COQ8A: variants seen among roughly 807,000 people sequenced by gnomAD.
The protein encoded by COQ8A is atypical kinase COQ8A, mitochondrial.
In COQ8A, 51 loss-of-function variants were observed where a neutral mutation model predicts 65.0. The observed-to-expected ratio is 0.78, with a 90% CI of 0.63 to 0.99. The LOEUF (loss-of-function observed/expected upper bound fraction) is 0.99, where lower values mean the gene tolerates loss of function less well. COQ8A is among the 50% of genes least tolerant of loss of function. The pLI is 0.00. For missense variants in COQ8A, 940 were observed against 875.0 expected (o/e 1.07, Z -0.94); for synonymous variants, 371 against 353.2 (o/e 1.05, Z -0.57).
chr1:226,976,696 G>C (rs1364113717), intron 4 of COQ8A, among the ~76,000 whole-genome samples: 1 of 152,152 alleles, frequency 6.6e-6, no homozygotes, highest in Non-Finnish European at 1.5e-5. Context: ...TGGCTTTCTT[G>C]AGCAGCTGGG....
rs112980636 is a variant in COQ8A, at chr1:226,971,353, C to T, written c.655+5616C>T. Among the ~76,000 whole-genome samples the T allele has an allele frequency of 9.0e-3, 1,364 of 152,142 alleles. 19 individuals are homozygous for T. The highest frequency in any genetic ancestry group is 0.031 in the African/African-American group (1,284 of 41,534). On this transcript the variant is annotated intron_variant, in intron 4 of 14. Coordinates refer to ENST00000366777, the MANE Select transcript of COQ8A (RefSeq NM_020247.5). ...GGATCATGAGGTCAAGAGATCGAGA[C>T]GATCCTGGCTAACACGGTGAAACCC...
At chr1:226,961,990 C>G (rs997261564) in intron 2 of COQ8A, among the ~76,000 whole-genome samples, 5 of 152,168 alleles carry the variant, frequency 3.3e-5, no homozygotes, top group Admixed American at 2.0e-4. Context: ...ATTCTCATGA[C>G]TTAATTACTT....
At chr1:226,985,002 G>C in intron 13 of COQ8A, 61 bp downstream of exon 13, 1 of 1,586,116 alleles carries the variant, frequency 6.3e-7, no homozygotes, top group Non-Finnish European at 8.6e-7. Context: ...CAGGATGCTG[G>C]GGGACTCGGG....
At position 226,983,787 on chromosome 1, in the gene COQ8A, G is replaced by C. The variant is rs777934964; in HGVS notation, c.1189G>C (p.Val397Leu). ...CCTGTTCCCCGAGCACCTGATCGAC[G>C]TGCTGAGGCGGGAGCTGGCCCTGGA... ...EGLFPEHLID[V>L]LRRELALECD... is the part of the protein sequence containing the mutation. The change falls in exon 10 of 15, where the codon GTG becomes CTG. Residue 397 changes from valine (V) to leucine (L), a missense_variant. By Grantham distance (32) the Val-to-Leu change is conservative. Transcript: ENST00000366777. 11 of 1,612,872 alleles carry C rather than the reference G, an allele frequency of 6.8e-6. No homozygotes were observed. The highest frequency in any genetic ancestry group is 1.3e-5 in the African/African-American group (1 of 74,932).
rs773965912 is a variant in COQ8A, at chr1:226,984,946, C to T, written c.1572+5C>T. On this transcript the variant is annotated splice_donor_5th_base_variant and intron_variant, in intron 13 of 14. Transcript: ENST00000366777. ...TTCACCGACCTCTACATTCAGGTAA[C>T]TGGAGAGGGGCCCTGGCCTTGGTCC... The T allele has an allele frequency of 6.8e-6, 11 of 1,613,960 alleles. No individual in the cohort carries two copies. Among genetic ancestry groups the T allele is most frequent in the South Asian group, 6.6e-5 (6 of 91,092 alleles).
intron 6 of COQ8A, chr1:226,982,351 G>A: frequency 1.3e-6 from 1 of 780,070 alleles, no homozygotes; most frequent in South Asian, 1.8e-5. Context: ...GAGCAGAGAG[G>A]AAAAATTGCT....
In COQ8A at chr1:226,964,990, C is replaced by T; in HGVS notation, c.178-10C>T. On this transcript the variant is annotated splice_polypyrimidine_tract_variant and intron_variant, in intron 2 of 14. Transcript: ENST00000366777. ...CTTGCTCTCCTAATGCTGGCCTTTG[C>T]TCCCTGCAGGGTCAGGATAAACATG... The T allele has an allele frequency of 1.2e-6, 2 of 1,613,708 alleles. No individual in the cohort carries two copies.
intron 1 of COQ8A, among the ~76,000 whole-genome samples, chr1:226,958,549 CAGGG>C (rs1657950013): frequency 3.9e-5 from 6 of 152,168 alleles, no homozygotes; most frequent in Admixed American, 3.9e-4. Flanking sequence ...AGCCCTGGGC[CAGGG>C]CAGGTTCATC....
chr1:226,982,493 G>T, intron 6 of COQ8A, 185 bp from the exon 7 acceptor site: 1 of 727,088 alleles, frequency 1.4e-6, no homozygotes, highest in Non-Finnish European at 2.4e-6. Context: ...CTGGGCGGAG[G>T]CTGGGGCTCC....
In COQ8A at chr1:226,961,479, A is replaced by G. The variant is rs777619147; in HGVS notation, c.94A>G (p.Ile32Val). The G allele has an allele frequency of 2.5e-6, 4 of 1,613,758 alleles. No individual in the cohort carries two copies. In the African/African-American group the frequency reaches 4.0e-5, roughly 16 times the overall value. ...AVETHLQHLGIGGELIMAARA... is the reference protein window; with the variant it reads ...AVETHLQHLGVGGELIMAARA... Reference sequence around the variant, plus strand: ...GGAAACCCACCTGCAGCACTTGGGCATCGGAGGGGAGCTGATCATGGCGGC... The same window carrying G: ...GGAAACCCACCTGCAGCACTTGGGCGTCGGAGGGGAGCTGATCATGGCGGC... Residue 32 changes from isoleucine to valine, a missense_variant, in exon 2 of 15, where the codon ATC becomes GTC. By Grantham distance (29) the Ile-to-Val change is conservative. Coordinates refer to ENST00000366777, the MANE Select transcript of COQ8A (RefSeq NM_020247.5).
chr1:226,955,127 G>C (rs1343444940), intron 1 of COQ8A, among the ~76,000 whole-genome samples: 2 of 152,094 alleles, frequency 1.3e-5, no homozygotes, highest in African/African-American at 4.8e-5. Context: ...TCAGATGCTT[G>C]AGGGCAAGGG....
chr1:226,952,855 T>G (rs1657470799), intron 1 of COQ8A, among the ~76,000 whole-genome samples: 1 of 152,206 alleles, frequency 6.6e-6, no homozygotes, highest in Admixed American at 6.5e-5. Context: ...TTCCCACCAC[T>G]GCATGAAAAG....
At chr1:226,974,136 T>A (rs1659054123) in intron 4 of COQ8A, among the ~76,000 whole-genome samples, 2 of 152,194 alleles carry the variant, frequency 1.3e-5, no homozygotes, top group South Asian at 4.1e-4. Flanking sequence ...TTGGCTCTGA[T>A]GACCTCCTAG....
intron 1 of COQ8A, among the ~76,000 whole-genome samples, chr1:226,943,343 C>T (rs1656816046): frequency 6.6e-6 from 1 of 152,156 alleles, no homozygotes; most frequent in Non-Finnish European, 1.5e-5. Flanking sequence ...TTCTGTCATT[C>T]CTGTTAAGCA....
Position 226,982,169 on chromosome 1 carries a change from G to C in COQ8A, c.853+20G>C. The C allele has an allele frequency of 6.4e-7, 1 of 1,559,700 alleles. No individual in the cohort carries two copies. The highest frequency in any genetic ancestry group is 1.2e-5 in the South Asian group (1 of 85,162). On this transcript the variant is annotated intron_variant, in intron 6 of 14. Transcript: ENST00000366777. ...TCCAGGGTGAGTGGGCGCGGGGGCT[G>C]CTGCCCCGGGACTGCGTGGGCTGCT...
intron 5 of COQ8A, among the ~76,000 whole-genome samples, chr1:226,979,676 C>G (rs768748875): frequency 2.6e-4 from 40 of 152,188 alleles, no homozygotes; most frequent in Admixed American, 9.2e-4. Context: ...TGCCAGTCCC[C>G]GGACAGCCCC....
In COQ8A at chr1:226,946,809, A is replaced by AATT. The variant is rs1657071220; in HGVS notation, c.-10+6412_-10+6413insTAT. 6.6e-6 allele frequency among the ~76,000 whole-genome samples: 1 copy of AATT among 152,198 alleles called. No homozygotes were observed. ...GTGTGTGGCATTTGGAGGTGATGCT[A>AATT]ATAAAGGTTGGTGCTGGTGTTGAGT... On this transcript the variant is annotated intron_variant, in intron 1 of 14. Coordinates refer to ENST00000366777, the MANE Select transcript of COQ8A (RefSeq NM_020247.5). This position sits in a 1 kb window ranked among gnomAD's most constrained non-coding sequence, Gnocchi z 5.3.
At position 226,986,947 on chromosome 1, in the gene COQ8A, T is replaced by C; in HGVS notation, c.*210T>C. 3.2e-6 allele frequency: 2 copies of C among 628,608 alleles called. No homozygotes were observed. The highest frequency in any genetic ancestry group is 5.5e-6 in the Non-Finnish European group (2 of 362,412). The allele number at this position is 628,608 out of a possible 1,614,324, so 38.9% of individuals were successfully genotyped here. Reference sequence around the variant, plus strand: ...TGCAAGAATGAAGATGAAGCCCCACTGCTCGGTCAGTCTGCCTCCGTGTGT... The same window carrying C: ...TGCAAGAATGAAGATGAAGCCCCACCGCTCGGTCAGTCTGCCTCCGTGTGT... On this transcript the variant is annotated 3_prime_UTR_variant, in exon 15 of 15. Coordinates refer to ENST00000366777, the MANE Select transcript of COQ8A (RefSeq NM_020247.5).
At chr1:226,981,792 A>G (rs925280958) in intron 5 of COQ8A, among the ~76,000 whole-genome samples, 3 of 152,192 alleles carry the variant, frequency 2.0e-5, no homozygotes, top group African/African-American at 7.2e-5. Flanking sequence ...TTGTGTGTGC[A>G]CATATGTACG....
Sources: gnomAD v4.1 joint callset for allele counts (sites outside exome capture counted in the v4.1 genomes callset) on GRCh38, gnomAD v4.1.1 for gene constraint, Gnocchi (gnomAD v3.1) non-coding constraint, MANE v1.5 for transcripts, NCBI Gene and HGNC (gene_info 2026-07-23, HGNC 2026-07-21) for gene names.